NTSR2: variants seen among roughly 807,000 people sequenced by gnomAD.
NTSR2 encodes neurotensin receptor 2.
Under a neutral mutation model 24.1 loss-of-function variants are expected in NTSR2, and 22 were observed. The ratio of observed to expected loss-of-function variants is 0.91; its 90% CI spans 0.65 to 1.30. NTSR2 has a LOEUF of 1.30. Among genes scored for constraint, NTSR2 ranks in the 50% most tolerant of loss-of-function variants. The pLI, the probability that NTSR2 is intolerant of heterozygous loss-of-function variation, is 0.00. For missense variants in NTSR2, 570 were observed against 570.4 expected (o/e 1.00, Z 0.01); for synonymous variants, 291 against 267.0 (o/e 1.09, Z -0.88).
At chr2:11,664,596 C>T (rs1373356676) in intron 1 of NTSR2, among the ~76,000 whole-genome samples, 1 of 152,058 alleles carries the variant, frequency 6.6e-6, no homozygotes, top group Admixed American at 6.5e-5. Flanking sequence ...GTTGACGAAC[C>T]AAACAGGTTT....
At chr2:11,664,675 A>G (rs1330819756) in intron 1 of NTSR2, among the ~76,000 whole-genome samples, 1 of 152,248 alleles carries the variant, frequency 6.6e-6, no homozygotes, top group Non-Finnish European at 1.5e-5. Flanking sequence ...AAAGATCAAA[A>G]TTAAAAATAT....
In NTSR2 at chr2:11,658,529, G is replaced by C. The variant is rs1178911331; in HGVS notation, c.1183C>G (p.Leu395Val). Residue 395 changes from leucine (L) to valine (V), a missense_variant, in exon 4 of 4, where the codon CTA becomes GTA. Transcript: ENST00000306928. The stretch of plus-strand genomic sequence containing the variant: ...CCAAAGCCTGAAGCTGTATCCATTA[G>C]GGTGGGACTCTGGGGCTTCGGGGGT... ...RLPPKPQSPT[L>V]MDTASGFGDP... 1.9e-6 allele frequency: 3 copies of C among 1,614,026 alleles called. No individual in the cohort carries two copies. The highest frequency in any genetic ancestry group is 4.5e-5 in the East Asian group (2 of 44,900).
intron 3 of NTSR2, 74 bp from the exon 4 acceptor site, chr2:11,658,796 G>T (rs1274483324): frequency 6.5e-7 from 1 of 1,529,700 alleles, no homozygotes; most frequent in Non-Finnish European, 8.9e-7. Context: ...ACTGGAGAAT[G>T]CCTCTCCTCC....
In NTSR2 at chr2:11,670,162, A is replaced by G. The variant is rs900703168; in HGVS notation, c.-33T>C. 1 of 1,358,034 alleles carries G rather than the reference A, an allele frequency of 7.4e-7. No individual in the cohort carries two copies. The highest frequency in any genetic ancestry group is 1.5e-5 in the African/African-American group (1 of 64,874). The allele number at this position is 1,358,034 out of a possible 1,614,324, so 84.1% of individuals were successfully genotyped here. A position where few individuals can be genotyped will look rare whatever the true frequency, so the allele number is the denominator to read the frequency against. On this transcript the variant is annotated 5_prime_UTR_variant, in exon 1 of 4. Coordinates refer to ENST00000306928, the MANE Select transcript of NTSR2 (RefSeq NM_012344.4). ...CCGCGGCCGGCGCTCCCTCCCTCTC[A>G]CTGCCCGGAGTCTGGGCGAGCTGCC...
intron 1 of NTSR2, chr2:11,665,610 A>T (rs1190523773): frequency 6.6e-6 from 1 of 152,014 alleles, no homozygotes; most frequent in East Asian, 1.9e-4. Context: ...CAGGTTCTAC[A>T]TACCTATGTA....
intron 2 of NTSR2, among the ~76,000 whole-genome samples, chr2:11,660,832 A>G (rs544648697): frequency 6.6e-6 from 1 of 152,274 alleles, no homozygotes; most frequent in East Asian, 1.9e-4. Flanking sequence ...CAGCACTGCC[A>G]TTCATCTGGC....
In NTSR2 at chr2:11,670,069, C is replaced by A; in HGVS notation, c.61G>T (p.Ala21Ser). ...AGGCGAGTGTCCACGCCCAGCCGGG[C>A]GTCCAGGCTCAGCCCCGGGTTGGAG... ...PSSNPGLSLDARLGVDTRLWA... is the reference protein window; with the variant it reads ...PSSNPGLSLDSRLGVDTRLWA... Residue 21 changes from alanine to serine, a missense_variant, in exon 1 of 4, where the codon GCC becomes TCC. Coordinates refer to ENST00000306928, the MANE Select transcript of NTSR2 (RefSeq NM_012344.4). 1 of 1,460,028 alleles carries A rather than the reference C, an allele frequency of 6.8e-7. No homozygotes were observed. Among genetic ancestry groups the A allele is most frequent in the Non-Finnish European group, 9.0e-7 (1 of 1,113,656 alleles). The allele number at this position is 1,460,028 out of a possible 1,614,324, so 90.4% of individuals were successfully genotyped here.
intron 1 of NTSR2, among the ~76,000 whole-genome samples, chr2:11,663,427 T>G (rs965202784): frequency 2.0e-5 from 3 of 152,178 alleles, no homozygotes; most frequent in Middle Eastern, 3.4e-3. Flanking sequence ...AAGATGAAAC[T>G]GGTAGATTAT....
intron 1 of NTSR2, 46 bp downstream of exon 1, chr2:11,669,460 G>GGGGGGGGGGGGGCCCCCCCCCCCCCC: frequency 7.9e-5 from 20 of 254,714 alleles, no homozygotes; most frequent in South Asian, 1.6e-4. Flanking sequence ...TCCCAGCACC[G>GGGGGGGGGGGGGCCCCCCCCCCCCCC]CCCCCCCACC....
rs544585334 is a variant in NTSR2 at position 11,666,043 on chromosome 2, C to A, written c.624+3463G>T. 2.0e-5 allele frequency: 3 copies of A among 152,464 alleles called. No homozygotes were observed. In the East Asian group the frequency reaches 5.8e-4, roughly 29 times the overall value. 9.4% of individuals were successfully genotyped at this position (152,464 alleles called of 1,614,324 possible). On this transcript the variant is annotated intron_variant, in intron 1 of 3. Transcript: ENST00000306928. ...ACGCAGGCGCTTTAGCCCTTGGAAT[C>A]CTGCTACCCAGCAGCAACAGCAGGA...
At position 11,658,369 on chromosome 2, in the gene NTSR2, G is replaced by T; in HGVS notation, c.*110C>A. On this transcript the variant is annotated 3_prime_UTR_variant, in exon 4 of 4. Coordinates refer to ENST00000306928, the MANE Select transcript of NTSR2 (RefSeq NM_012344.4). ...CTCAGCAGAGCAGGGGTTGATAGAA[G>T]TCGCCCTGGCTGCGAAGCTTGAATG... The T allele has an allele frequency of 6.9e-7, 1 of 1,450,482 alleles. No homozygotes were observed. The highest frequency in any genetic ancestry group is 9.3e-7 in the Non-Finnish European group (1 of 1,079,620). 89.9% of individuals were successfully genotyped at this position (1,450,482 alleles called of 1,614,324 possible).
intron 1 of NTSR2, among the ~76,000 whole-genome samples, chr2:11,666,891 G>A (rs905606809): frequency 6.6e-6 from 1 of 152,170 alleles, no homozygotes; most frequent in Non-Finnish European, 1.5e-5. Flanking sequence ...TGTGAGCCAG[G>A]CACTGTACCA....
chr2:11,665,545 T>C (rs933648154), intron 1 of NTSR2: 1 of 151,480 alleles, frequency 6.6e-6, no homozygotes, highest in African/African-American at 2.5e-5. Flanking sequence ...GCCACTCATA[T>C]CAGTGATTTG....
chr2:11,666,389 A>G (rs1443254728), intron 1 of NTSR2, among the ~76,000 whole-genome samples: 2 of 137,424 alleles, frequency 1.5e-5, no homozygotes, highest in Non-Finnish European at 3.5e-5. Flanking sequence ...AAAAAATAAA[A>G]TAAAAAACAA....
At position 11,658,839 on chromosome 2, in the gene NTSR2, A is replaced by G. The variant is rs1023867650; in HGVS notation, c.990-117T>C. 1.7e-5 allele frequency: 20 copies of G among 1,179,866 alleles called. No homozygotes were observed. In the African/African-American group the frequency reaches 2.0e-4, roughly 12 times the overall value. 73.1% of individuals were successfully genotyped at this position (1,179,866 alleles called of 1,614,324 possible). A position where few individuals can be genotyped will look rare whatever the true frequency, so the allele number is the denominator to read the frequency against. ...TGCATGACGAAGCCTATTTTCTGCT[A>G]TCAGGAAGCACAGTGTTTTTGTTTG... On this transcript the variant is annotated intron_variant, in intron 3 of 3. Transcript: ENST00000306928.
intron 1 of NTSR2, among the ~76,000 whole-genome samples, chr2:11,666,569 C>T (rs146544647): frequency 0.02 from 3,100 of 152,042 alleles, 103 homozygotes; most frequent in African/African-American, 0.072. Context: ...CGTGGTGGCA[C>T]GTGCCTGTAG....
rs1451090151 is a variant in NTSR2 at position 11,669,964 on chromosome 2, C to A, written c.166G>T (p.Val56Leu). The A allele has an allele frequency of 6.6e-7, 1 of 1,512,302 alleles. No individual in the cohort carries two copies. The highest frequency in any genetic ancestry group is 1.3e-5 in the South Asian group (1 of 79,984). 93.7% of individuals were successfully genotyped at this position (1,512,302 alleles called of 1,614,324 possible). Residue 56 changes from valine to leucine, a missense_variant, in exon 1 of 4, where the codon GTG becomes TTG. Val to Leu is a conservative substitution (Grantham distance 32). Transcript: ENST00000306928. ...GAAGNALSAH[V>L]VLKARAGRAG... is the part of the protein sequence containing the mutation. ...CGCCCGGCCCGCGCCTTCAGCACCA[C>A]GTGCGCGGACAGCGCATTGCCCGCC...
At position 11,658,558 on chromosome 2, in the gene NTSR2, C is replaced by T. The variant is rs144468085; in HGVS notation, c.1154G>A (p.Arg385Gln). ...SLCGEHHPMK[R>Q]LPPKPQSPTL... is the part of the protein sequence containing the mutation. ...GGGACTCTGGGGCTTCGGGGGTAAC[C>T]GCTTCATGGGGTGGTGCTCTCCACA... The change falls in exon 4 of 4, where the codon CGG (arginine) becomes CAG (glutamine). Residue 385 changes from arginine to glutamine, a missense_variant. Transcript: ENST00000306928. 284 of 1,614,020 alleles carry T rather than the reference C, an allele frequency of 1.8e-4. No homozygotes were observed. The highest frequency in any genetic ancestry group is 2.2e-4 in the Non-Finnish European group (261 of 1,180,026).
rs367870730 is a variant in NTSR2 at position 11,658,699 on chromosome 2, T to G, written c.1013A>C (p.Tyr338Ser). 8 of 1,613,960 alleles carry G rather than the reference T, an allele frequency of 5.0e-6. No individual in the cohort carries two copies. The highest frequency in any genetic ancestry group is 5.9e-6 in the Non-Finnish European group (7 of 1,179,982). The stretch of plus-strand genomic sequence containing the variant: ...AAGTGTGTTGGTCACCATGTAGAAG[T>G]AGTGGTAGAAATTGTACAGTGGGCT... ...WTDPLYNFYH[Y>S]FYMVTNTLFY... The change falls in exon 4 of 4, where the codon TAC (tyrosine) becomes TCC (serine). Residue 338 changes from tyrosine (Y) to serine (S), a missense_variant. Physicochemically the swap from Tyr to Ser is moderately radical, Grantham distance 144. Transcript: ENST00000306928.
Sources: allele counts gnomAD v4.1 joint callset (sites outside exome capture counted in the v4.1 genomes callset), GRCh38; gene constraint gnomAD v4.1.1; transcripts MANE v1.5; gene names NCBI Gene and HGNC (gene_info 2026-07-23, HGNC 2026-07-21).